The following XRN1 variants were observed in gnomAD, a reference collection of about 807,000 sequenced individuals.
The protein encoded by XRN1 is strand-exchange protein 1 homolog.
In XRN1, 67 loss-of-function variants were observed where a neutral mutation model predicts 222.3. That is an observed-to-expected ratio of 0.30 (90% CI 0.25 to 0.37). The LOEUF is 0.37. XRN1 is among the 10% of genes least tolerant of loss of function. The pLI is 1.00. For missense variants in XRN1, 1,707 were observed against 2,000.2 expected, an observed-to-expected ratio of 0.85 and a Z score of 2.80; for synonymous variants, 643 against 652.4, an observed-to-expected ratio of 0.99 and a Z score of 0.22.
At chr3:142,383,524 T>A (rs1177623381) in intron 21 of XRN1, 111 bp from the exon 22 acceptor site, 1 of 899,734 alleles carries the variant, frequency 1.1e-6, no homozygotes, top group East Asian at 2.7e-5. Context: ...ATGTGAAGAT[T>A]TTTCTACATA....
At chr3:142,436,453 C>A (rs556768853) in intron 1 of XRN1, among the ~76,000 whole-genome samples, 1 of 152,106 alleles carries the variant, frequency 6.6e-6, no homozygotes, top group Non-Finnish European at 1.5e-5. Flanking sequence ...AGGGTTTATA[C>A]CCAATAGTTT....
rs373363296 is a variant in XRN1 at position 142,315,796 on chromosome 3, T to C, written c.4621+2796A>G. ...TCCCAAACTGCTGGGATTACAAGCGTGAGCCACTGCGCCCGGCCTAAAAAA... is the reference window on the plus strand; with the variant it reads ...TCCCAAACTGCTGGGATTACAAGCGCGAGCCACTGCGCCCGGCCTAAAAAA... On this transcript the variant is annotated intron_variant, in intron 39 of 40. Transcript: ENST00000392981. 8.5e-4 allele frequency among the ~76,000 whole-genome samples: 129 copies of C among 152,258 alleles called. 2 individuals carry two copies. The highest frequency in any genetic ancestry group is 2.9e-3 in the African/African-American group (119 of 41,558).
chr3:142,350,076 T>C (rs2066261918), intron 32 of XRN1, among the ~76,000 whole-genome samples: 1 of 152,180 alleles, frequency 6.6e-6, no homozygotes, highest in Non-Finnish European at 1.5e-5. Flanking sequence ...GACTATTATG[T>C]CCAAATGGTT....
chr3:142,425,443 A>C lies in XRN1; in HGVS notation c.502T>G (p.Phe168Val). 1 of 1,612,160 alleles carries C rather than the reference A, an allele frequency of 6.2e-7. No homozygotes were observed. ...DKSWQGVTIY[F>V]SGHETPGEGE... Reference sequence around the variant, plus strand: ...AAGATAATAACCTCATGGCCTGAGAAGTAGATGGTAACTCCTTGCCATGAC... The same window carrying C: ...AAGATAATAACCTCATGGCCTGAGACGTAGATGGTAACTCCTTGCCATGAC... The change falls in exon 4 of 41, where the codon TTC becomes GTC. Residue 168 changes from phenylalanine (F) to valine (V), a missense_variant. Around this residue, in one of 2 missense-constraint regions of XRN1, gnomAD observed 1,234 missense variants for 1,518.2 expected, o/e 0.81. Transcript: ENST00000392981.
intron 1 of XRN1, among the ~76,000 whole-genome samples, chr3:142,445,932 GT>G (rs2070479421): frequency 1.3e-5 from 2 of 152,170 alleles, no homozygotes; most frequent in Admixed American, 6.5e-5. Context: ...CTGGAATTCT[GT>G]TCTAAGGTTC....
intron 15 of XRN1, among the ~76,000 whole-genome samples, chr3:142,411,171 C>T (rs1394791307): frequency 6.6e-6 from 1 of 152,126 alleles, no homozygotes; most frequent in Admixed American, 6.5e-5. Flanking sequence ...TATGAAGGAA[C>T]TATAAGATAG....
At chr3:142,352,489 GTTTAT>G (rs758467643) in intron 32 of XRN1, among the ~76,000 whole-genome samples, 3 of 151,518 alleles carry the variant, frequency 2.0e-5, no homozygotes, top group Non-Finnish European at 2.9e-5. Flanking sequence ...AATTTTTTAT[GTTTAT>G]TTTATTATTT....
At chr3:142,393,029 AG>A (rs1352328526) in intron 20 of XRN1, among the ~76,000 whole-genome samples, 3 of 151,696 alleles carry the variant, frequency 2.0e-5, no homozygotes, top group African/African-American at 7.3e-5. Context: ...AACTGGTGTG[AG>A]ATGGTATCTC....
Position 142,357,062 on chromosome 3 carries a change from A to G in XRN1, c.3522T>C (p.His1174=), listed in dbSNP as rs146509225. 2.1e-4 allele frequency: 345 copies of G among 1,613,762 alleles called. No homozygotes were observed. The highest frequency in any genetic ancestry group is 2.8e-4 in the Non-Finnish European group (330 of 1,179,920). ...GATTTCCAGTTTCAGAGCGACTCCCATGAGAAAGGTTCACCAAGGCACTTG... is the reference window on the plus strand; with the variant it reads ...GATTTCCAGTTTCAGAGCGACTCCCGTGAGAAAGGTTCACCAAGGCACTTG... The part of the protein sequence containing the change: ...LPTSALVNLS[H]GSRSETGNQK... The change falls in exon 31 of 41, where the codon CAT becomes CAC. Residue 1174 remains histidine, a synonymous_variant. Transcript: ENST00000392981.
At chr3:142,429,059 CA>C (rs1211933724) in intron 2 of XRN1, among the ~76,000 whole-genome samples, 1 of 150,512 alleles carries the variant, frequency 6.6e-6, no homozygotes, top group African/African-American at 2.4e-5. Flanking sequence ...GGGAGAAGCT[CA>C]AGAAAGAATG....
chr3:142,371,130 A>T, intron 26 of XRN1, 109 bp downstream of exon 26: 3 of 156,006 alleles, frequency 1.9e-5, no homozygotes, highest in Non-Finnish European at 3.8e-5. Flanking sequence ...AACCTGTCTC[A>T]AAAAAAAAAA....
chr3:142,410,085 C>A (rs1277608502), intron 15 of XRN1, among the ~76,000 whole-genome samples: 7 of 152,192 alleles, frequency 4.6e-5, no homozygotes, highest in African/African-American at 1.4e-4. Flanking sequence ...CCACTTGCCA[C>A]TAAAAACAAT....
chr3:142,354,694 C>G (rs981980885), intron 32 of XRN1, among the ~76,000 whole-genome samples: 4 of 152,042 alleles, frequency 2.6e-5, no homozygotes, highest in Admixed American at 6.6e-5. Context: ...GAGTAGCTGG[C>G]TAATTTTTGT....
At chr3:142,331,935 T>A (rs755706203) in intron 36 of XRN1, among the ~76,000 whole-genome samples, 1 of 151,876 alleles carries the variant, frequency 6.6e-6, no homozygotes, top group Non-Finnish European at 1.5e-5. Context: ...CCACCACACC[T>A]AGCTAACTTT....
At chr3:142,381,338 A>G (rs957725938) in intron 22 of XRN1, among the ~76,000 whole-genome samples, 1 of 152,172 alleles carries the variant, frequency 6.6e-6, no homozygotes, top group African/African-American at 2.4e-5. Flanking sequence ...TATTAAGTAT[A>G]TAAATTTACA....
chr3:142,432,117 TAA>T (rs2069631111), intron 2 of XRN1, among the ~76,000 whole-genome samples: 1 of 83,398 alleles, frequency 1.2e-5, no homozygotes, highest in African/African-American at 4.5e-5. Flanking sequence ...TATAAATATA[TAA>T]ATATATTTTC....
chr3:142,367,275 GA>G (rs2066846551), intron 27 of XRN1, among the ~76,000 whole-genome samples: 1 of 151,288 alleles, frequency 6.6e-6, no homozygotes, highest in African/African-American at 2.4e-5. Context: ...CAACAAGACT[GA>G]AACTCCGTCT....
intron 32 of XRN1, among the ~76,000 whole-genome samples, chr3:142,349,024 C>T (rs1448310628): frequency 1.3e-5 from 2 of 152,126 alleles, no homozygotes; most frequent in East Asian, 3.9e-4. Flanking sequence ...GTCATCCTGG[C>T]TCACTGCAAC....
At chr3:142,398,285 C>T (rs1297942944) in intron 19 of XRN1, among the ~76,000 whole-genome samples, 1 of 151,588 alleles carries the variant, frequency 6.6e-6, no homozygotes, top group Non-Finnish European at 1.5e-5. Context: ...TATTTTTTTC[C>T]TAAGAGACTA....
Sources: gnomAD v4.1 joint callset for allele counts (sites outside exome capture counted in the v4.1 genomes callset) on GRCh38, gnomAD v4.1.1 for gene constraint, gnomAD v4.1.1 regional missense constraint, MANE v1.5 for transcripts, NCBI Gene and HGNC (gene_info 2026-07-23, HGNC 2026-07-21) for gene names.